Variants in C1QTNF6 observed in about 807,000 individuals in gnomAD.
C1QTNF6 encodes the protein complement C1q tumor necrosis factor-related protein 6.
A neutral mutation model predicts 20.7 loss-of-function variants in C1QTNF6; 17 were observed. That is an observed-to-expected ratio of 0.82 (90% confidence interval 0.56 to 1.23). C1QTNF6 has a LOEUF of 1.23. Ranked by LOEUF, C1QTNF6 falls within the 50% of genes most tolerant of loss-of-function variation. The pLI is 0.00. For missense variants in C1QTNF6, 329 were observed against 389.7 expected, an observed-to-expected ratio of 0.84 and a Z score of 1.31; for synonymous variants, 130 against 156.3, an observed-to-expected ratio of 0.83 and a Z score of 1.25.
At chr22:37,187,682 A>G (rs1472338852) in intron 1 of C1QTNF6, among the ~76,000 whole-genome samples, 2 of 123,984 alleles carry the variant, frequency 1.6e-5, no homozygotes, top group African/African-American at 5.7e-5. Flanking sequence ...TCTGTTTCCT[A>G]TTGGCCCCAG....
chr22:37,192,349 T>G (rs549714586), upstream of C1QTNF6, among the ~76,000 whole-genome samples: 1 of 152,358 alleles, frequency 6.6e-6, no homozygotes, highest in South Asian at 2.1e-4. Flanking sequence ...GTAAGCAGTT[T>G]TACTTATATT....
intron 1 of C1QTNF6, chr22:37,185,696 T>C: frequency 8.3e-7 from 1 of 1,208,870 alleles, no homozygotes; most frequent in Non-Finnish European, 1.0e-6. Flanking sequence ...GGGCACCCAG[T>C]CCATGGAGGC....
upstream of C1QTNF6, chr22:37,190,730 C>G (rs1924766353): frequency 6.6e-6 from 1 of 151,342 alleles, no homozygotes; most frequent in Admixed American, 6.6e-5. Flanking sequence ...TCTTACTGCA[C>G]TTATGCAAAT....
chr22:37,195,065 C>T (rs1474991875), intron 2 of C1QTNF6, among the ~76,000 whole-genome samples: 1 of 152,236 alleles, frequency 6.6e-6, no homozygotes, highest in Admixed American at 6.5e-5. Flanking sequence ...GAGAAGAAAG[C>T]TCCCCATGTC....
In C1QTNF6 at chr22:37,185,458, G is replaced by A. The variant is rs756646717; in HGVS notation, c.52-3C>T. The A allele has an allele frequency of 6.3e-7, 1 of 1,593,054 alleles. No individual in the cohort carries two copies. Among genetic ancestry groups the A allele is most frequent in the African/African-American group, 1.3e-5 (1 of 74,406 alleles). On this transcript the variant is annotated splice_region_variant and splice_polypyrimidine_tract_variant and intron_variant, in intron 1 of 2. Coordinates refer to ENST00000337843, the MANE Select transcript of C1QTNF6 (RefSeq NM_031910.4). ...AGGGCGGCTGTCCCCATGGTGACCT[G>A]GAACAAGGAAGGAGGGACAGGAACT...
chr22:37,182,145 C>T lies in C1QTNF6; in HGVS notation c.*43G>A. On this transcript the variant is annotated 3_prime_UTR_variant, in exon 3 of 3. Coordinates refer to ENST00000337843, the MANE Select transcript of C1QTNF6 (RefSeq NM_031910.4). ...AAACTGAGCCCTGCAGGGGACGGGACCAGCACCTGAGCTCTCCAGCCGGGA... is the reference window on the plus strand; with the variant it reads ...AAACTGAGCCCTGCAGGGGACGGGATCAGCACCTGAGCTCTCCAGCCGGGA... The T allele has an allele frequency of 6.4e-7, 1 of 1,570,202 alleles. No individual in the cohort carries two copies. Among genetic ancestry groups the T allele is most frequent in the Non-Finnish European group, 8.6e-7 (1 of 1,156,490 alleles).
At chr22:37,198,152 G>A (rs115057732), upstream of C1QTNF6, 1,781 of 152,354 alleles carry the variant, frequency 0.012, 35 homozygotes, top group African/African-American at 0.04. Context: ...AGCAGCAAAG[G>A]AGTAACCCCA....
intron 1 of C1QTNF6, among the ~76,000 whole-genome samples, chr22:37,186,241 T>C (rs977820781): frequency 1.3e-5 from 2 of 152,180 alleles, no homozygotes; most frequent in African/African-American, 4.8e-5. Context: ...GGTGCCCCTC[T>C]GGACAAATTA....
Position 37,182,530 on chromosome 22 carries a change from G to A in C1QTNF6, c.495C>T (p.Phe165=), listed in dbSNP as rs145588561. Residue 165 remains phenylalanine, a synonymous_variant, in exon 3 of 3, where the codon TTC becomes TTT. Coordinates refer to ENST00000337843, the MANE Select transcript of C1QTNF6 (RefSeq NM_031910.4). ...CATCAAGGTTCACAAAGACCCTTTCGAAGAGCAGCGTCTGGAAGTCCTCGC... is the reference window on the plus strand; with the variant it reads ...CATCAAGGTTCACAAAGACCCTTTCAAAGAGCAGCGTCTGGAAGTCCTCGC... ...HSGEDFQTLL[F]ERVFVNLDGC... The A allele has an allele frequency of 1.2e-3, 1,985 of 1,614,256 alleles. 24 individuals are homozygous for A. In the South Asian group the frequency reaches 0.013, roughly 10 times the overall value.
chr22:37,181,797 C>T lies in C1QTNF6; in HGVS notation c.*391G>A, dbSNP rs1246402113. 1 of 227,746 alleles carries T rather than the reference C, an allele frequency of 4.4e-6. No individual in the cohort carries two copies. Among genetic ancestry groups the T allele is most frequent in the East Asian group, 1.1e-4 (1 of 9,102 alleles). 14.1% of individuals were successfully genotyped at this position (227,746 alleles called of 1,614,324 possible). On this transcript the variant is annotated 3_prime_UTR_variant, in exon 3 of 3. Transcript: ENST00000337843. ...AGAACCTGGTTGCTCCAGTGTGGTT[C>T]ATAGACTGACCCCATCAGCATCACC...
At chr22:37,191,462 G>A (rs1314301585), upstream of C1QTNF6, among the ~76,000 whole-genome samples, 1 of 152,060 alleles carries the variant, frequency 6.6e-6, no homozygotes, top group African/African-American at 2.4e-5. Context: ...AGCCAAATAT[G>A]TCATTTTTGG....
chr22:37,182,352 C>A lies in C1QTNF6; in HGVS notation c.673G>T (p.Glu225Ter), dbSNP rs369130130. 1.2e-6 allele frequency: 2 copies of A among 1,614,250 alleles called. No individual in the cohort carries two copies. The change falls in exon 3 of 3, where the codon GAG (glutamate) becomes TAG (stop). Residue 225 changes from glutamate (E) to a stop codon, truncating the protein, a stop_gained. Coordinates refer to ENST00000337843, the MANE Select transcript of C1QTNF6 (RefSeq NM_031910.4). LOFTEE classifies it high-confidence loss of function. ...CTCTGGCTCTGCATGATGCTGCGCT[C>A]GCTGGGCTGCGCGTACAGGATGACA... is the stretch of plus-strand genomic sequence containing the variant. ...EAVILYAQPS[E>*]RSIMQSQSVM... is the part of the protein sequence containing the mutation.
chr22:37,185,270 G>T lies in C1QTNF6; in HGVS notation c.237C>A (p.Arg79=), dbSNP rs1348595778. 1 of 1,607,164 alleles carries T rather than the reference G, an allele frequency of 6.2e-7. No individual in the cohort carries two copies. Among genetic ancestry groups the T allele is most frequent in the Non-Finnish European group, 8.5e-7 (1 of 1,175,806 alleles). The change falls in exon 2 of 3, where the codon CGC becomes CGA. Residue 79 remains arginine (R), a synonymous_variant. Transcript: ENST00000337843. ...GTCTGATCTCAGGCAGGGCGTGGGG[G>T]CGGCCGGAGGAAGAGGCTGAGGATA... The part of the protein sequence containing the change: ...AHVSSASSSG[R]PHALPEIRPY...
upstream of C1QTNF6, among the ~76,000 whole-genome samples, chr22:37,192,395 A>G (rs1452243162): frequency 2.6e-5 from 4 of 152,232 alleles, no homozygotes; most frequent in Non-Finnish European, 5.9e-5. Context: ...TATCTGCAGA[A>G]GTGCAGATAA....
At chr22:37,185,590 C>T in intron 1 of C1QTNF6, 135 bp from the exon 2 acceptor site, 1 of 1,376,394 alleles carries the variant, frequency 7.3e-7, no homozygotes, top group Non-Finnish European at 9.4e-7. Context: ...TTATTGTCCC[C>T]ATCTATCAGA....
In C1QTNF6 at chr22:37,181,402, A is replaced by T. The variant is rs1434078223; in HGVS notation, c.*786T>A. On this transcript the variant is annotated 3_prime_UTR_variant, in exon 3 of 3. Coordinates refer to ENST00000337843, the MANE Select transcript of C1QTNF6 (RefSeq NM_031910.4). ...GGATGAGAGAATTTAAGAATGTTGG[A>T]ATTGGCCAGGCACGGTGGCTCACAC... is the stretch of plus-strand genomic sequence containing the variant. The T allele has an allele frequency of 6.6e-6, 1 of 152,330 alleles. No homozygotes were observed. Among genetic ancestry groups the T allele is most frequent in the Admixed American group, 6.5e-5 (1 of 15,282 alleles). 9.4% of individuals were successfully genotyped at this position (152,330 alleles called of 1,614,324 possible). A position where few individuals can be genotyped will look rare whatever the true frequency, so the allele number is the denominator to read the frequency against.
intron 1 of C1QTNF6, among the ~76,000 whole-genome samples, chr22:37,187,403 T>A (rs551887807): frequency 2.2e-4 from 34 of 152,030 alleles, no homozygotes; most frequent in African/African-American, 8.2e-4. Flanking sequence ...GGTCTTAGAG[T>A]CAAATCTGAG....
chr22:37,182,297 C>T lies in C1QTNF6; in HGVS notation c.728G>A (p.Arg243His), dbSNP rs145928195. The change falls in exon 3 of 3, where the codon CGC becomes CAC. Residue 243 changes from arginine to histidine, a missense_variant. Arg to His is a conservative substitution (Grantham distance 29, BLOSUM62 0). Coordinates refer to ENST00000337843, the MANE Select transcript of C1QTNF6 (RefSeq NM_031910.4). ...GCGCTTGAAGAGCCGCACCCAGACG[C>T]GGTCCCCGTAGGCCAGGTCCAGCAT... ...SVMLDLAYGD[R>H]VWVRLFKRQR... The T allele has an allele frequency of 4.8e-4, 776 of 1,614,182 alleles. 6 individuals carry two copies. In the African/African-American group the frequency reaches 8.9e-3, roughly 18 times the overall value.
intron 1 of C1QTNF6, chr22:37,195,630 T>G (rs1925092014): frequency 6.6e-6 from 1 of 152,240 alleles, no homozygotes; most frequent in South Asian, 2.1e-4. Flanking sequence ...CCCTGAGCGC[T>G]GCTGGTTGGC....
Sources: allele counts gnomAD v4.1 joint callset (sites outside exome capture counted in the v4.1 genomes callset), GRCh38; gene constraint gnomAD v4.1.1; transcripts MANE v1.5; gene names NCBI Gene and HGNC (gene_info 2026-07-23, HGNC 2026-07-21).